Variants in NUTM1 observed in about 807,000 individuals in gnomAD.
NUTM1 encodes NUT family member 1.
In NUTM1, 39 loss-of-function variants were observed where a neutral mutation model predicts 88.7. The observed-to-expected ratio is 0.44, with a 90% CI of 0.34 to 0.57. The LOEUF (loss-of-function observed/expected upper bound fraction) is 0.57. Among genes scored for constraint, NUTM1 ranks in the 20% least tolerant of loss-of-function variants. The pLI is 0.01. For missense variants in NUTM1, 1,350 were observed against 1,414.5 expected (o/e 0.95, Z 0.73); for synonymous variants, 494 against 538.0 (o/e 0.92, Z 1.13).
In NUTM1 at chr15:34,345,066, G is replaced by A. The variant is rs566317800; in HGVS notation, c.7-876G>A. ...AGTTAATTTTGTTAGAAAGGAAAAT[G>A]ATGATTTTAGCCTTCAGGTCTTTAG... is the stretch of plus-strand genomic sequence containing the variant. On this transcript the variant is annotated intron_variant, in intron 1 of 7. Coordinates refer to ENST00000537011, the MANE Select transcript of NUTM1 (RefSeq NM_001284292.2). Among the ~76,000 whole-genome samples the A allele has an allele frequency of 1.5e-3, 228 of 152,206 alleles. 2 individuals are homozygous for A. Among genetic ancestry groups the A allele is most frequent in the Non-Finnish European group, 2.1e-3 (142 of 68,018 alleles).
chr15:34,354,483 C>T lies in NUTM1; in HGVS notation c.1113C>T (p.Ala371=). ...AGAAGGCAGCCTCCAAGACACGGGC[C>T]CCCCGCCGGCGTCAGCGTAAAGCCC... is the stretch of plus-strand genomic sequence containing the variant. ...IPKKAASKTR[A]PRRRQRKAQR... is the part of the protein sequence containing the mutation. The change falls in exon 6 of 8, where the codon GCC becomes GCT. Residue 371 remains alanine (A), a synonymous_variant. Coordinates refer to ENST00000537011, the MANE Select transcript of NUTM1 (RefSeq NM_001284292.2). The T allele has an allele frequency of 1.2e-6, 2 of 1,614,130 alleles. No individual in the cohort carries two copies. Among genetic ancestry groups the T allele is most frequent in the Middle Eastern group, 1.7e-4 (1 of 6,046 alleles).
At position 34,348,348 on chromosome 15, in the gene NUTM1, A is replaced by G; in HGVS notation, c.480A>G (p.Pro160=). The change falls in exon 3 of 8, where the codon CCA becomes CCG. Residue 160 remains proline (P), a synonymous_variant. Coordinates refer to ENST00000537011, the MANE Select transcript of NUTM1 (RefSeq NM_001284292.2). The stretch of plus-strand genomic sequence containing the variant: ...GAGGCCTTGAGGGTCCTGCACCTCC[A>G]TTTGTGACAGCATCTAATGTGAAGA... ...PCGGLEGPAP[P]FVTASNVKTI... The G allele has an allele frequency of 2.5e-6, 4 of 1,614,194 alleles. No homozygotes were observed. Among genetic ancestry groups the G allele is most frequent in the Non-Finnish European group, 3.4e-6 (4 of 1,180,026 alleles).
intron 1 of NUTM1, among the ~76,000 whole-genome samples, chr15:34,345,049 T>A (rs1383035350): frequency 6.6e-6 from 1 of 152,090 alleles, no homozygotes; most frequent in African/African-American, 2.4e-5. Flanking sequence ...GTAGTTAATT[T>A]TGTTAGAAAG....
At chr15:34,350,918 T>C in intron 4 of NUTM1, 86 bp downstream of exon 4, 1 of 1,531,946 alleles carries the variant, frequency 6.5e-7, no homozygotes, top group Non-Finnish European at 9.0e-7. Context: ...GTGGGGGTGA[T>C]TATCAAAAGC....
chr15:34,343,794 G>C, intron 1 of NUTM1, 92 bp downstream of exon 1: 2 of 1,146,424 alleles, frequency 1.7e-6, no homozygotes, highest in Non-Finnish European at 2.4e-6. Flanking sequence ...TAAGACTCTC[G>C]TTTAAAGAAA....
chr15:34,348,203 GGGCT>G lies in NUTM1; in HGVS notation c.339_342del (p.Gly114ArgfsTer48), dbSNP rs1346228060. The G allele has an allele frequency of 1.9e-6, 3 of 1,614,094 alleles. No homozygotes were observed. The highest frequency in any genetic ancestry group is 2.5e-6 in the Non-Finnish European group (3 of 1,180,040). On this transcript the variant is annotated frameshift_variant, in exon 3 of 8. Coordinates refer to ENST00000537011, the MANE Select transcript of NUTM1 (RefSeq NM_001284292.2). LOFTEE classifies it high-confidence loss of function. ...GGGGGCCCTTGCCTCAGTGGGGCTG[GGGCT>G]GGCAAGGTCATTGTCAAAGTCAAGA...
rs1360482079 is a variant in NUTM1, at chr15:34,343,614, T to C, written c.-83T>C. The C allele has an allele frequency of 2.0e-6, 3 of 1,535,506 alleles. No homozygotes were observed. The East Asian group carries it at 7.3e-5, about 38-fold the overall frequency. On this transcript the variant is annotated 5_prime_UTR_variant, in exon 1 of 8. Coordinates refer to ENST00000537011, the MANE Select transcript of NUTM1 (RefSeq NM_001284292.2). ...GTAAAGCGAAAGAGCGTAAAGTTAT[T>C]TTATGAAACTGGTGAAGCATGTTTC...
chr15:34,356,423 A>G lies in NUTM1; in HGVS notation c.2415A>G (p.Val805=). The G allele has an allele frequency of 6.2e-7, 1 of 1,610,958 alleles. No individual in the cohort carries two copies. Among genetic ancestry groups the G allele is most frequent in the South Asian group, 1.1e-5 (1 of 90,678 alleles). Residue 805 remains valine, a synonymous_variant, in exon 8 of 8, where the codon GTA becomes GTG. Coordinates refer to ENST00000537011, the MANE Select transcript of NUTM1 (RefSeq NM_001284292.2). ...CCCTGGGTCCTGGAGAAACCCTAGT[A>G]CCTGGGGATACGGAGAGCAGTGTGA... The part of the protein sequence containing the change: ...NISLGPGETL[V]PGDTESSVIP...
At chr15:34,348,875 G>A (rs185102769) in intron 3 of NUTM1, among the ~76,000 whole-genome samples, 198 bp downstream of exon 3, 179 of 150,266 alleles carry the variant, frequency 1.2e-3, no homozygotes, top group African/African-American at 4.1e-3. Flanking sequence ...CAACCTTTCA[G>A]GTGTCTTATC....
chr15:34,343,626 G>A lies in NUTM1; in HGVS notation c.-71G>A, dbSNP rs2140148198. 1 of 1,535,482 alleles carries A rather than the reference G, an allele frequency of 6.5e-7. No homozygotes were observed. Among genetic ancestry groups the A allele is most frequent in the East Asian group, 2.4e-5 (1 of 40,924 alleles). Reference sequence around the variant, plus strand: ...AGCGTAAAGTTATTTTATGAAACTGGTGAAGCATGTTTCAGCGGTCGAACC... The same window carrying A: ...AGCGTAAAGTTATTTTATGAAACTGATGAAGCATGTTTCAGCGGTCGAACC... On this transcript the variant is annotated 5_prime_UTR_variant, in exon 1 of 8. It adds an upstream start codon to the 5' untranslated region. Coordinates refer to ENST00000537011, the MANE Select transcript of NUTM1 (RefSeq NM_001284292.2).
At chr15:34,347,704 T>C (rs1267704167) in intron 2 of NUTM1, among the ~76,000 whole-genome samples, 2 of 151,966 alleles carry the variant, frequency 1.3e-5, no homozygotes, top group Admixed American at 1.3e-4. Context: ...ATACAAAAAG[T>C]TAGCCGGGCG....
At chr15:34,347,676 A>C in intron 2 of NUTM1, among the ~76,000 whole-genome samples, 1 of 150,742 alleles carries the variant, frequency 6.6e-6, no homozygotes, top group African/African-American at 2.4e-5. Flanking sequence ...ACACGGTGAA[A>C]CCCCGTCTCT....
intron 5 of NUTM1, among the ~76,000 whole-genome samples, 171 bp from the exon 6 acceptor site, chr15:34,354,275 C>G (rs533750442): frequency 6.6e-6 from 1 of 152,308 alleles, no homozygotes; most frequent in South Asian, 2.1e-4. Flanking sequence ...AGCCTGGAAC[C>G]ATTTCAATGT....
chr15:34,348,064 C>T lies in NUTM1; in HGVS notation c.196C>T (p.Pro66Ser), dbSNP rs368674697. The T allele has an allele frequency of 1.1e-5, 17 of 1,613,998 alleles. No homozygotes were observed. The highest frequency in any genetic ancestry group is 1.6e-4 in the Middle Eastern group (1 of 6,084). ...LPFLPPTSDP[P>S]DHPPREPPPQ... ...CTTTCTCCCACCAACTTCTGACCCA[C>T]CAGACCACCCACCCAGGGAGCCACC... The change falls in exon 3 of 8, where the codon CCA (proline) becomes TCA (serine). Residue 66 changes from proline (P) to serine (S), a missense_variant. Physicochemically the swap from Pro to Ser is moderately conservative, Grantham distance 74. Transcript: ENST00000537011.
At chr15:34,346,372 G>A (rs146303447) in intron 2 of NUTM1, among the ~76,000 whole-genome samples, 6 of 151,764 alleles carry the variant, frequency 4.0e-5, no homozygotes, top group Non-Finnish European at 8.8e-5. Context: ...GGCACAGAGA[G>A]GTTTCAAGGG....
chr15:34,356,209 C>G lies in NUTM1; in HGVS notation c.2201C>G (p.Ser734Cys). The change falls in exon 8 of 8, where the codon TCC becomes TGC. Residue 734 changes from serine (S) to cysteine (C), a missense_variant. By Grantham distance (112) the Ser-to-Cys change is moderately radical. Around this residue, in one of 5 missense-constraint regions of NUTM1, gnomAD observed 730 missense variants for 728.8 expected, o/e 1.00. Transcript: ENST00000537011. The part of the protein sequence containing the change: ...PMAQSYDQNP[S>C]PRAAGERDDV... ...GCTCAGAGTTATGATCAGAATCCTT[C>G]CCCTAGAGCAGCTGGGGAGAGGGAC... The G allele has an allele frequency of 6.2e-7, 1 of 1,606,788 alleles. No homozygotes were observed. Among genetic ancestry groups the G allele is most frequent in the Non-Finnish European group, 8.5e-7 (1 of 1,174,870 alleles).
At position 34,352,231 on chromosome 15, in the gene NUTM1, T is replaced by C. The variant is rs574855950; in HGVS notation, c.938+1399T>C. Among the ~76,000 whole-genome samples, 23 of 152,270 alleles carry C rather than the reference T, an allele frequency of 1.5e-4. No individual in the cohort carries two copies. The East Asian group carries it at 3.7e-3, about 24-fold the overall frequency. ...ATGAACAGATTCTTCCAAGCTTAGC[T>C]TCCACTTACTCCCTCCCAAAACCTT... On this transcript the variant is annotated intron_variant, in intron 4 of 7. Coordinates refer to ENST00000537011, the MANE Select transcript of NUTM1 (RefSeq NM_001284292.2).
In NUTM1 at chr15:34,356,919, C is replaced by T. The variant is rs201414700; in HGVS notation, c.2911C>T (p.Pro971Ser). ...CAGGGTGGATCCTGATCTGTCCAAG[C>T]CTAAAAACCTTGCTCCTTTACAAGA... The part of the protein sequence containing the change: ...EGRVDPDLSK[P>S]KNLAPLQESQ... Residue 971 changes from proline to serine, a missense_variant, in exon 8 of 8, where the codon CCT becomes TCT. Pro to Ser is a moderately conservative substitution (Grantham distance 74). Around this residue, in one of 5 missense-constraint regions of NUTM1, gnomAD observed 730 missense variants for 728.8 expected, o/e 1.00. Transcript: ENST00000537011. 33 of 1,613,468 alleles carry T rather than the reference C, an allele frequency of 2.0e-5. No homozygotes were observed. Among genetic ancestry groups the T allele is most frequent in the South Asian group, 3.3e-5 (3 of 91,048 alleles).
At chr15:34,352,324 A>G (rs1030526165) in intron 4 of NUTM1, among the ~76,000 whole-genome samples, 4 of 152,078 alleles carry the variant, frequency 2.6e-5, no homozygotes, top group African/African-American at 4.8e-5. Flanking sequence ...CTGGGATCTC[A>G]CATTGTTTCC....
Sources: gnomAD v4.1 joint callset for allele counts (sites outside exome capture counted in the v4.1 genomes callset) on GRCh38, gnomAD v4.1.1 for gene constraint, gnomAD v4.1.1 regional missense constraint, MANE v1.5 for transcripts, NCBI Gene and HGNC (gene_info 2026-07-23, HGNC 2026-07-21) for gene names.